The following STOX2 variants were observed in gnomAD, a reference collection of about 807,000 sequenced individuals.
STOX2 encodes the protein storkhead box 2.
Under a neutral mutation model 60.9 loss-of-function variants are expected in STOX2, and 28 were observed. That is an observed-to-expected ratio of 0.46 (90% CI 0.34 to 0.63). The LOEUF is 0.63. Among genes scored for constraint, STOX2 ranks in the 30% least tolerant of loss-of-function variants. The probability of loss-of-function intolerance (pLI) is 0.01; values close to 1 mark genes in which losing one functional copy is unlikely to be tolerated. For synonymous variants in STOX2, 472 were observed against 463.9 expected, an observed-to-expected ratio of 1.02 and a Z score of -0.22; for missense variants, 1,024 against 1,187.7, an observed-to-expected ratio of 0.86 and a Z score of 2.03.
intron 2 of STOX2, among the ~76,000 whole-genome samples, chr4:184,006,318 T>C (rs1314266405): frequency 6.6e-6 from 1 of 152,154 alleles, no homozygotes; most frequent in Non-Finnish European, 1.5e-5. Flanking sequence ...TGTGGTCGGC[T>C]TTAAACATGG....
At chr4:183,983,599 A>G (rs1732732964) in intron 1 of STOX2, among the ~76,000 whole-genome samples, 2 of 152,172 alleles carry the variant, frequency 1.3e-5, no homozygotes, top group South Asian at 4.1e-4. Flanking sequence ...GCGTCTGACC[A>G]TATTGTCAGC....
At chr4:183,985,856 G>A (rs1294772261) in intron 1 of STOX2, among the ~76,000 whole-genome samples, 1 of 152,098 alleles carries the variant, frequency 6.6e-6, no homozygotes, top group Non-Finnish European at 1.5e-5. Context: ...CTTAAGGTGC[G>A]TGTGCTTATT....
At chr4:183,912,183 T>C (rs540264803) in intron 1 of STOX2, among the ~76,000 whole-genome samples, 1 of 152,362 alleles carries the variant, frequency 6.6e-6, no homozygotes, top group South Asian at 2.1e-4. Flanking sequence ...AACAGACCTC[T>C]CTTCTGGTTC....
At chr4:183,868,988 C>G (rs11737707) in intron 1 of STOX2, among the ~76,000 whole-genome samples, 37,300 of 152,138 alleles carry the variant, frequency 0.25, 5,261 homozygotes, top group Middle Eastern at 0.31. Flanking sequence ...CCAGATTCTT[C>G]TGACTTTGAT....
At chr4:183,860,037 GATA>G (rs756756469) in intron 1 of STOX2, among the ~76,000 whole-genome samples, 2 of 151,936 alleles carry the variant, frequency 1.3e-5, no homozygotes, top group African/African-American at 2.4e-5. Flanking sequence ...GCTGTTTAAA[GATA>G]ATATATAATT....
chr4:183,915,802 C>A (rs1164518116), intron 1 of STOX2, among the ~76,000 whole-genome samples: 1 of 152,196 alleles, frequency 6.6e-6, no homozygotes, highest in Admixed American at 6.5e-5. Flanking sequence ...AGGGCTTCAC[C>A]CTCAGGGTCC....
chr4:183,853,138 G>T (rs1232263667), intron 1 of STOX2, among the ~76,000 whole-genome samples: 1 of 152,156 alleles, frequency 6.6e-6, no homozygotes, highest in African/African-American at 2.4e-5. Flanking sequence ...TCAAAGTAAG[G>T]CATTTCCTCC....
At chr4:183,974,676 T>C (rs1252154341) in intron 1 of STOX2, among the ~76,000 whole-genome samples, 2 of 152,010 alleles carry the variant, frequency 1.3e-5, no homozygotes, top group African/African-American at 4.8e-5. Flanking sequence ...CATAAAAAAG[T>C]GTATGTACCT....
rs1192458013 is a variant in STOX2, at chr4:184,017,239, A to G, written c.2736A>G (p.Leu912=). 2.5e-6 allele frequency: 4 copies of G among 1,606,472 alleles called. No homozygotes were observed. Among genetic ancestry groups the G allele is most frequent in the Admixed American group, 3.4e-5 (2 of 58,988 alleles). ...AEPPTNEAEK[L]QKPSNCLQAS... ...CCCCGACAAATGAAGCTGAGAAGCT[A>G]CAGAAACCTTCCAACTGCTTGCAAG... is the stretch of plus-strand genomic sequence containing the variant. The change falls in exon 4 of 4, where the codon CTA becomes CTG. Residue 912 remains leucine, a synonymous_variant. Transcript: ENST00000308497.
intron 1 of STOX2, among the ~76,000 whole-genome samples, chr4:183,994,111 C>T (rs1020869874): frequency 6.6e-6 from 1 of 152,166 alleles, no homozygotes; most frequent in African/African-American, 2.4e-5. Context: ...CCCCAGAAAG[C>T]GGGTGATTTC....
At chr4:183,822,113 G>A (rs1011559157) in intron 1 of STOX2, among the ~76,000 whole-genome samples, 7 of 152,168 alleles carry the variant, frequency 4.6e-5, no homozygotes, top group Admixed American at 3.3e-4. Flanking sequence ...TGCCACCCAC[G>A]TGCTAGGGAG....
chr4:183,816,520 G>T (rs1349461375), intron 1 of STOX2, among the ~76,000 whole-genome samples: 1 of 152,014 alleles, frequency 6.6e-6, no homozygotes, highest in African/African-American at 2.4e-5. Context: ...GAGGGGGAAG[G>T]GTGGAAACAC....
At chr4:183,828,720 G>GA (rs1203276923) in intron 1 of STOX2, among the ~76,000 whole-genome samples, 2 of 152,172 alleles carry the variant, frequency 1.3e-5, no homozygotes, top group African/African-American at 2.4e-5. Flanking sequence ...TCAGATAACT[G>GA]AAAAAATGAA....
intron 1 of STOX2, among the ~76,000 whole-genome samples, chr4:183,833,465 C>G (rs1487710019): frequency 6.6e-6 from 1 of 152,102 alleles, no homozygotes; most frequent in East Asian, 1.9e-4. Flanking sequence ...TTCTCTATAT[C>G]CCACCCTTTA....
intron 1 of STOX2, among the ~76,000 whole-genome samples, chr4:183,950,969 A>G (rs1487885773): frequency 6.6e-6 from 1 of 151,932 alleles, no homozygotes; most frequent in African/African-American, 2.4e-5. Context: ...TAATCCCAGC[A>G]CTTTGGGAGG....
At chr4:183,987,736 A>G (rs1732909782) in intron 1 of STOX2, 1 of 152,274 alleles carries the variant, frequency 6.6e-6, no homozygotes. Flanking sequence ...TGTGTCGGGA[A>G]TGACGAGACC....
At chr4:183,858,377 T>C (rs1740351974) in intron 1 of STOX2, among the ~76,000 whole-genome samples, 1 of 152,224 alleles carries the variant, frequency 6.6e-6, no homozygotes, top group African/African-American at 2.4e-5. Context: ...CCTTACCCAG[T>C]CAGCCACCCA....
chr4:183,983,238 C>T (rs1236208332), intron 1 of STOX2, among the ~76,000 whole-genome samples: 1 of 152,226 alleles, frequency 6.6e-6, no homozygotes, highest in African/African-American at 2.4e-5. Flanking sequence ...AAGCACCTCT[C>T]AGTTCCCTCC....
At chr4:183,829,578 G>T (rs1385343525) in intron 1 of STOX2, among the ~76,000 whole-genome samples, 1 of 152,192 alleles carries the variant, frequency 6.6e-6, no homozygotes, top group African/African-American at 2.4e-5. Flanking sequence ...TCAGTCACCA[G>T]CATAGGTAAC....
Sources: allele counts gnomAD v4.1 joint callset (sites outside exome capture counted in the v4.1 genomes callset), GRCh38; gene constraint gnomAD v4.1.1; transcripts MANE v1.5; gene names NCBI Gene and HGNC (gene_info 2026-07-23, HGNC 2026-07-21).